The following KAZN variants were observed in gnomAD, a reference collection of about 807,000 sequenced individuals.
KAZN encodes the protein kazrin.
A neutral mutation model predicts 87.4 loss-of-function variants in KAZN; 40 were observed. The ratio of observed to expected loss-of-function variants is 0.46; its 90% CI spans 0.36 to 0.60. The LOEUF (loss-of-function observed/expected upper bound fraction) is 0.60, where lower values mean the gene tolerates loss of function less well. Ranked by LOEUF, KAZN falls within the 20% of genes least tolerant of loss-of-function variation. KAZN has a pLI of 0.00. For missense variants in KAZN, 898 were observed against 1,073.9 expected (o/e 0.84, Z 2.29); for synonymous variants, 466 against 458.3 (o/e 1.02, Z -0.22).
chr1:15,008,946 A>G (rs1191906577), intron 2 of KAZN, among the ~76,000 whole-genome samples: 1 of 152,230 alleles, frequency 6.6e-6, no homozygotes, highest in Non-Finnish European at 1.5e-5. Context: ...CTGGACAATC[A>G]GGCAGGAAAT....
chr1:14,206,069 C>A (rs1048141255), intron 2 of KAZN, among the ~76,000 whole-genome samples: 10 of 151,924 alleles, frequency 6.6e-5, no homozygotes, highest in Non-Finnish European at 1.5e-4. Context: ...AACATTACTG[C>A]ATGGGCAATG....
chr1:14,103,385 A>G (rs767466699), intron 1 of KAZN, among the ~76,000 whole-genome samples: 1 of 152,326 alleles, frequency 6.6e-6, no homozygotes, highest in Non-Finnish European at 1.5e-5. Flanking sequence ...GAGAAAGGAG[A>G]CACAATTCAG....
intron 1 of KAZN, among the ~76,000 whole-genome samples, chr1:14,112,995 C>A (rs138065079): frequency 8.9e-4 from 136 of 152,312 alleles, no homozygotes; most frequent in African/African-American, 3.1e-3. Flanking sequence ...AAAGACTTTG[C>A]CCAAGTGTCT....
chr1:14,927,971 G>T (rs1203855048), intron 1 of KAZN, among the ~76,000 whole-genome samples: 3 of 134,774 alleles, frequency 2.2e-5, no homozygotes, highest in African/African-American at 3.8e-5. Flanking sequence ...TGTCTTCATG[G>T]GTCCTCCCAG....
intron 2 of KAZN, among the ~76,000 whole-genome samples, chr1:14,535,992 G>A (rs1206912859): frequency 3.3e-5 from 5 of 152,188 alleles, no homozygotes; most frequent in Non-Finnish European, 7.3e-5. Flanking sequence ...GCTCTCTGGG[G>A]CAGCCAAAGC....
intron 2 of KAZN, among the ~76,000 whole-genome samples, chr1:14,562,782 TTTA>T (rs1226045137): frequency 1.3e-5 from 2 of 152,212 alleles, no homozygotes; most frequent in Non-Finnish European, 2.9e-5. Flanking sequence ...ACAGTAGATG[TTTA>T]TTAATGACAG....
At chr1:15,039,338 G>C (rs1672671132) in intron 3 of KAZN, among the ~76,000 whole-genome samples, 1 of 152,170 alleles carries the variant, frequency 6.6e-6, no homozygotes. Flanking sequence ...TCTAGTCCCA[G>C]AGCCCCAGCC....
intron 2 of KAZN, among the ~76,000 whole-genome samples, chr1:14,507,932 T>A (rs553381354): frequency 2.3e-4 from 35 of 150,786 alleles, no homozygotes; most frequent in African/African-American, 7.8e-4. Flanking sequence ...GCGCCACTGC[T>A]CTCCAGCCTG....
chr1:14,964,625 C>G (rs1010468904), intron 2 of KAZN, among the ~76,000 whole-genome samples: 6 of 152,086 alleles, frequency 3.9e-5, no homozygotes, highest in Admixed American at 6.5e-5. Context: ...TTTATATGCC[C>G]ATAATGAGGA....
chr1:14,150,509 A>G (rs972233214), intron 1 of KAZN, among the ~76,000 whole-genome samples: 1 of 152,206 alleles, frequency 6.6e-6, no homozygotes, highest in African/African-American at 2.4e-5. Context: ...TGTACTTTCA[A>G]AGCTGTGTGT....
At chr1:14,468,814 G>A (rs545610608) in intron 2 of KAZN, among the ~76,000 whole-genome samples, 1 of 152,298 alleles carries the variant, frequency 6.6e-6, no homozygotes, top group African/African-American at 2.4e-5. Flanking sequence ...GCATCTCTGC[G>A]GGTAGGCATC....
At chr1:14,932,852 T>C (rs1045605980) in intron 1 of KAZN, among the ~76,000 whole-genome samples, 1 of 152,138 alleles carries the variant, frequency 6.6e-6, no homozygotes, top group African/African-American at 2.4e-5. Context: ...TTTTAACCAT[T>C]GTTCGATATT....
chr1:14,765,895 AC>A (rs1477437430), intron 1 of KAZN, among the ~76,000 whole-genome samples: 1 of 152,098 alleles, frequency 6.6e-6, no homozygotes, highest in Non-Finnish European at 1.5e-5. Context: ...CGCTGATGAC[AC>A]TCACACCAGA....
At chr1:14,883,355 A>AGAGAGAGAGAGAGAG (rs1553150619) in intron 1 of KAZN, among the ~76,000 whole-genome samples, 3 of 20,618 alleles carry the variant, frequency 1.5e-4, no homozygotes, top group Non-Finnish European at 2.9e-4. Context: ...AGAAAGAAAG[A>AGAGAGAGAGAGAGAG]AAAGAAAGAA....
intron 1 of KAZN, among the ~76,000 whole-genome samples, chr1:14,147,944 G>C (rs1487059368): frequency 6.6e-6 from 1 of 152,120 alleles, no homozygotes; most frequent in East Asian, 1.9e-4. Context: ...TAGGCACCAG[G>C]TGTGGTGGCT....
intron 1 of KAZN, among the ~76,000 whole-genome samples, chr1:14,804,724 A>T (rs989583026): frequency 6.6e-6 from 1 of 152,184 alleles, no homozygotes; most frequent in African/African-American, 2.4e-5. Context: ...ATGCACAGAT[A>T]CAGGTAAGGA....
intron 2 of KAZN, among the ~76,000 whole-genome samples, chr1:14,279,958 G>A (rs559243828): frequency 6.6e-6 from 1 of 152,224 alleles, no homozygotes; most frequent in East Asian, 1.9e-4. Flanking sequence ...GTCACTGTTA[G>A]GGATTGGGAA....
At chr1:14,961,545 T>TC (rs1213821390) in intron 2 of KAZN, among the ~76,000 whole-genome samples, 7 of 152,184 alleles carry the variant, frequency 4.6e-5, no homozygotes, top group Admixed American at 4.6e-4. Flanking sequence ...AAGAAGGGTC[T>TC]CAGCGGGTTA....
chr1:14,207,080 C>T (rs964895624), intron 2 of KAZN, among the ~76,000 whole-genome samples: 2 of 151,870 alleles, frequency 1.3e-5, no homozygotes, highest in African/African-American at 2.4e-5. Context: ...TCTCCTGCCT[C>T]AGCCTCTCAA....
Sources: allele counts gnomAD v4.1 joint callset (sites outside exome capture counted in the v4.1 genomes callset), GRCh38; gene constraint gnomAD v4.1.1; transcripts MANE v1.5; gene names NCBI Gene and HGNC (gene_info 2026-07-23, HGNC 2026-07-21).